The following CLIC4 variants were observed in gnomAD, a reference collection of about 807,000 sequenced individuals.
CLIC4 encodes CLIC family member 4.
Under a neutral mutation model 24.6 loss-of-function variants are expected in CLIC4, and 13 were observed. The ratio of observed to expected loss-of-function variants is 0.53; its 90% CI spans 0.34 to 0.84. CLIC4 has a LOEUF of 0.84. Among genes scored for constraint, CLIC4 ranks in the 40% least tolerant of loss-of-function variants. The probability of loss-of-function intolerance (pLI) is 0.01; values close to 1 mark genes in which losing one functional copy is unlikely to be tolerated. For missense variants in CLIC4, 227 were observed against 301.7 expected (o/e 0.75, Z 1.83); for synonymous variants, 104 against 111.3 (o/e 0.93, Z 0.41).
chr1:24,836,927 A>G (rs1639891754), intron 4 of CLIC4, among the ~76,000 whole-genome samples: 2 of 152,258 alleles, frequency 1.3e-5, no homozygotes, highest in African/African-American at 4.8e-5. Context: ...ACAGATTGAA[A>G]AAGAATAAAG....
chr1:24,793,574 C>T (rs1639364346), intron 1 of CLIC4, among the ~76,000 whole-genome samples: 1 of 152,142 alleles, frequency 6.6e-6, no homozygotes, highest in Admixed American at 6.5e-5. Flanking sequence ...TTTGTAATCA[C>T]AGTAAAATTT....
intron 2 of CLIC4, among the ~76,000 whole-genome samples, chr1:24,812,825 TCTC>T (rs1294726450): frequency 6.6e-6 from 1 of 151,536 alleles, no homozygotes; most frequent in Non-Finnish European, 1.5e-5. Flanking sequence ...TTCAAGTGGT[TCTC>T]CTTCCTCAGC....
chr1:24,777,504 G>A (rs1245832364), intron 1 of CLIC4, among the ~76,000 whole-genome samples: 1 of 152,058 alleles, frequency 6.6e-6, no homozygotes, highest in Admixed American at 6.6e-5. Context: ...AGATCACGCC[G>A]CTGCACTCTA....
intron 2 of CLIC4, among the ~76,000 whole-genome samples, chr1:24,798,516 G>C (rs971221621): frequency 6.6e-6 from 1 of 152,144 alleles, no homozygotes; most frequent in African/African-American, 2.4e-5. Flanking sequence ...AGAAAGCTCT[G>C]TTTTATTCAG....
At chr1:24,745,932 C>A (rs950021357) in intron 1 of CLIC4, among the ~76,000 whole-genome samples, 24 of 150,552 alleles carry the variant, frequency 1.6e-4, no homozygotes, top group Admixed American at 1.5e-3. Context: ...CGGGACTTGC[C>A]TGCCCCGGGG....
intron 4 of CLIC4, among the ~76,000 whole-genome samples, chr1:24,838,326 T>C (rs932552805): frequency 6.6e-6 from 1 of 152,176 alleles, no homozygotes; most frequent in Non-Finnish European, 1.5e-5. Context: ...CCCCCCTTTC[T>C]CCATATTCAC....
At chr1:24,810,343 G>A (rs1571256206) in intron 2 of CLIC4, among the ~76,000 whole-genome samples, 2 of 152,054 alleles carry the variant, frequency 1.3e-5, no homozygotes, top group African/African-American at 4.8e-5. Context: ...CCTGTGTCTG[G>A]TAAAAATACC....
At chr1:24,776,341 TC>T (rs1639140380) in intron 1 of CLIC4, among the ~76,000 whole-genome samples, 1 of 152,176 alleles carries the variant, frequency 6.6e-6, no homozygotes, top group African/African-American at 2.4e-5. Context: ...GGGAAACTTG[TC>T]CAGTGCAGTT....
At chr1:24,746,873 G>C (rs1169509530) in intron 1 of CLIC4, among the ~76,000 whole-genome samples, 1 of 152,112 alleles carries the variant, frequency 6.6e-6, no homozygotes, top group South Asian at 2.1e-4. Flanking sequence ...TTACGCGCCT[G>C]TACTACTCTG....
intron 4 of CLIC4, among the ~76,000 whole-genome samples, chr1:24,832,053 C>G (rs933970938): frequency 6.6e-6 from 1 of 152,148 alleles, no homozygotes; most frequent in African/African-American, 2.4e-5. Flanking sequence ...AGTGTTTCAT[C>G]GTTTCCTGGA....
chr1:24,773,976 A>AT (rs1324025789), intron 1 of CLIC4, among the ~76,000 whole-genome samples: 1 of 151,422 alleles, frequency 6.6e-6, no homozygotes, highest in Non-Finnish European at 1.5e-5. Flanking sequence ...TTTAATTTTA[A>AT]TTTTTTTTGT....
At chr1:24,799,211 C>T (rs1639443294) in intron 2 of CLIC4, among the ~76,000 whole-genome samples, 1 of 151,802 alleles carries the variant, frequency 6.6e-6, no homozygotes, top group East Asian at 1.9e-4. Context: ...AGCGGCGCCT[C>T]TTCCCGGCTG....
intron 1 of CLIC4, among the ~76,000 whole-genome samples, chr1:24,776,697 T>G (rs1249076040): frequency 6.6e-6 from 1 of 152,154 alleles, no homozygotes; most frequent in Non-Finnish European, 1.5e-5. Context: ...TCCCAGCACT[T>G]TGGGAGGCTG....
chr1:24,751,759 G>A (rs957340161), intron 1 of CLIC4, among the ~76,000 whole-genome samples: 2 of 152,234 alleles, frequency 1.3e-5, no homozygotes, highest in Non-Finnish European at 2.9e-5. Flanking sequence ...GGCTACTCGG[G>A]AGTCTGAGGC....
In CLIC4 at chr1:24,840,060, A is replaced by C; in HGVS notation, c.597+19A>C. 2 of 1,607,654 alleles carry C rather than the reference A, an allele frequency of 1.2e-6. No homozygotes were observed. Among genetic ancestry groups the C allele is most frequent in the Non-Finnish European group, 1.7e-6 (2 of 1,175,644 alleles). On this transcript the variant is annotated intron_variant, in intron 5 of 5. Coordinates refer to ENST00000374379, the MANE Select transcript of CLIC4 (RefSeq NM_013943.3). The stretch of plus-strand genomic sequence containing the variant: ...TGTCAAGGTAGGTCTGTAGGGGTTG[A>C]TGTCGCATTGCCATTACCTTGTATT...
chr1:24,788,543 A>G (rs1303775388), intron 1 of CLIC4, among the ~76,000 whole-genome samples: 2 of 152,186 alleles, frequency 1.3e-5, no homozygotes, highest in East Asian at 3.8e-4. Context: ...CGGGTTCTGC[A>G]TCTGTGGATA....
At chr1:24,778,867 C>T (rs1264145933) in intron 1 of CLIC4, among the ~76,000 whole-genome samples, 2 of 152,160 alleles carry the variant, frequency 1.3e-5, no homozygotes, top group African/African-American at 4.8e-5. Context: ...GATTTTCCTA[C>T]AGATTAAAGC....
At chr1:24,781,157 C>T (rs1639199775) in intron 1 of CLIC4, among the ~76,000 whole-genome samples, 1 of 117,818 alleles carries the variant, frequency 8.5e-6, no homozygotes, top group Non-Finnish European at 1.7e-5. Context: ...TTTTTTGAGA[C>T]AGAGTCTCAC....
At chr1:24,822,615 G>T (rs1362487057) in intron 3 of CLIC4, among the ~76,000 whole-genome samples, 1 of 152,096 alleles carries the variant, frequency 6.6e-6, no homozygotes, top group Non-Finnish European at 1.5e-5. Context: ...GGGATTACAG[G>T]TGTGAGCCAC....
Sources: allele counts gnomAD v4.1 joint callset (sites outside exome capture counted in the v4.1 genomes callset), GRCh38; gene constraint gnomAD v4.1.1; transcripts MANE v1.5; gene names NCBI Gene and HGNC (gene_info 2026-07-23, HGNC 2026-07-21).